TAFA1: variants seen among roughly 807,000 people sequenced by gnomAD.
TAFA1 encodes chemokine-like protein TAFA-1.
A neutral mutation model predicts 18.5 loss-of-function variants in TAFA1; 4 were observed. The observed-to-expected ratio is 0.22, with a 90% confidence interval of 0.11 to 0.49. The LOEUF (loss-of-function observed/expected upper bound fraction) is 0.49, where lower values mean the gene tolerates loss of function less well. Among genes scored for constraint, TAFA1 ranks in the 20% least tolerant of loss-of-function variants. The probability of loss-of-function intolerance (pLI) is 0.98; values close to 1 mark genes in which losing one functional copy is unlikely to be tolerated. For synonymous variants in TAFA1, 56 were observed against 55.2 expected, an observed-to-expected ratio of 1.01 and a Z score of -0.06; for missense variants, 147 against 169.0, an observed-to-expected ratio of 0.87 and a Z score of 0.72.
intron 2 of TAFA1, among the ~76,000 whole-genome samples, chr3:68,169,246 T>C (rs1467469400): frequency 1.3e-5 from 2 of 152,010 alleles, no homozygotes; most frequent in Non-Finnish European, 2.9e-5. Flanking sequence ...GATCACTTGC[T>C]CTGGACGGTA....
intron 2 of TAFA1, among the ~76,000 whole-genome samples, chr3:68,332,368 G>C (rs1195563316): frequency 2.0e-5 from 3 of 151,484 alleles, no homozygotes; most frequent in Non-Finnish European, 4.4e-5. Flanking sequence ...ATAATTTTTT[G>C]GCCAAAAGCA....
At chr3:68,154,514 C>T (rs571654510) in intron 2 of TAFA1, among the ~76,000 whole-genome samples, 2 of 152,306 alleles carry the variant, frequency 1.3e-5, no homozygotes, top group South Asian at 4.1e-4. Flanking sequence ...GCCTCTTTAG[C>T]TTATAATATT....
At chr3:68,034,201 A>G (rs976129592) in intron 2 of TAFA1, among the ~76,000 whole-genome samples, 2 of 152,236 alleles carry the variant, frequency 1.3e-5, no homozygotes, top group Admixed American at 6.5e-5. Flanking sequence ...ATGTGATTTT[A>G]GCATGAAAGG....
chr3:68,469,499 C>A (rs2071955200), intron 3 of TAFA1, among the ~76,000 whole-genome samples: 1 of 152,080 alleles, frequency 6.6e-6, no homozygotes, highest in East Asian at 1.9e-4. Context: ...AAGGTGAAAC[C>A]CCGTCTCTAC....
At chr3:68,478,169 T>C (rs550577461) in intron 3 of TAFA1, among the ~76,000 whole-genome samples, 1 of 152,348 alleles carries the variant, frequency 6.6e-6, no homozygotes, top group East Asian at 1.9e-4. Flanking sequence ...ATTTACTGTC[T>C]CATTAGGTAT....
intron 2 of TAFA1, among the ~76,000 whole-genome samples, chr3:68,185,272 A>G (rs2066255623): frequency 6.6e-6 from 1 of 152,094 alleles, no homozygotes; most frequent in Non-Finnish European, 1.5e-5. Context: ...ACGTTTCCAA[A>G]TAGAGCAAAT....
intron 3 of TAFA1, among the ~76,000 whole-genome samples, chr3:68,499,182 A>G (rs2072609826): frequency 6.6e-6 from 1 of 152,020 alleles, no homozygotes; most frequent in Non-Finnish European, 1.5e-5. Flanking sequence ...TAAACAACTC[A>G]TTTTGTTTGT....
chr3:68,285,373 A>G (rs2067978357), intron 2 of TAFA1, among the ~76,000 whole-genome samples: 1 of 152,106 alleles, frequency 6.6e-6, no homozygotes. Flanking sequence ...GATATGTAAA[A>G]ATTAATGAAG....
At chr3:68,133,679 G>A (rs1026391460) in intron 2 of TAFA1, among the ~76,000 whole-genome samples, 1 of 152,020 alleles carries the variant, frequency 6.6e-6, no homozygotes, top group Admixed American at 6.6e-5. Flanking sequence ...GCCTCTTATT[G>A]GTGTATAGGA....
chr3:68,193,676 A>G (rs1209105023), intron 2 of TAFA1, among the ~76,000 whole-genome samples: 1 of 151,852 alleles, frequency 6.6e-6, no homozygotes, highest in Non-Finnish European at 1.5e-5. Context: ...ATAGGAAAAT[A>G]CAATTTTCTT....
At chr3:68,359,009 A>T (rs1332608824) in intron 2 of TAFA1, among the ~76,000 whole-genome samples, 2 of 151,980 alleles carry the variant, frequency 1.3e-5, no homozygotes, top group Non-Finnish European at 2.9e-5. Flanking sequence ...CCTGGGTCTC[A>T]CCACTATAAC....
At chr3:68,288,331 G>A (rs1242128144) in intron 2 of TAFA1, among the ~76,000 whole-genome samples, 1 of 152,028 alleles carries the variant, frequency 6.6e-6, no homozygotes, top group Non-Finnish European at 1.5e-5. Context: ...CTAAGGTAAA[G>A]CTATCCTTGG....
chr3:68,530,731 C>T (rs1396569532), intron 3 of TAFA1, among the ~76,000 whole-genome samples: 3 of 151,950 alleles, frequency 2.0e-5, no homozygotes, highest in Admixed American at 6.6e-5. Flanking sequence ...TATTAAAATG[C>T]TGTAACTAGT....
intron 2 of TAFA1, among the ~76,000 whole-genome samples, chr3:68,286,392 G>A (rs149285834): frequency 0.015 from 2,273 of 152,184 alleles, 65 homozygotes; most frequent in Admixed American, 0.07. Context: ...GAAGTCTAGC[G>A]TGGAGAGAAA....
chr3:68,432,723 G>C (rs994276468), intron 3 of TAFA1, among the ~76,000 whole-genome samples: 2 of 151,938 alleles, frequency 1.3e-5, no homozygotes, highest in Admixed American at 1.3e-4. Context: ...TCTAATCCCA[G>C]TCCAAGTAAG....
At chr3:68,152,561 T>C (rs1211392260) in intron 2 of TAFA1, among the ~76,000 whole-genome samples, 1 of 152,094 alleles carries the variant, frequency 6.6e-6, no homozygotes, top group Non-Finnish European at 1.5e-5. Flanking sequence ...GACTTGATGC[T>C]TTTAGAGAAA....
chr3:67,992,549 C>T, the TAFA1 span, among the ~76,000 whole-genome samples: 1 of 152,142 alleles, frequency 6.6e-6, no homozygotes, highest in Non-Finnish European at 1.5e-5. Flanking sequence ...GGACAGCATA[C>T]TTCATGTGCC....
intron 2 of TAFA1, among the ~76,000 whole-genome samples, chr3:68,277,911 A>G (rs1056303017): frequency 3.3e-5 from 5 of 152,180 alleles, no homozygotes; most frequent in African/African-American, 1.2e-4. Flanking sequence ...ATAATTGTAC[A>G]ATAGTCCATG....
chr3:68,393,183 G>A (rs571436362), intron 2 of TAFA1, among the ~76,000 whole-genome samples: 1 of 152,006 alleles, frequency 6.6e-6, no homozygotes, highest in Admixed American at 6.6e-5. Flanking sequence ...TATCACCACC[G>A]ATCCCACAGA....
Sources: gnomAD v4.1 joint callset for allele counts (sites outside exome capture counted in the v4.1 genomes callset) on GRCh38, gnomAD v4.1.1 for gene constraint, MANE v1.5 for transcripts, NCBI Gene and HGNC (gene_info 2026-07-23, HGNC 2026-07-21) for gene names.